Variants in PLCB4 observed in about 807,000 individuals in gnomAD.
PLCB4 encodes the protein phospholipase C beta 4.
Under a neutral mutation model 178.8 loss-of-function variants are expected in PLCB4, and 77 were observed. The observed-to-expected ratio is 0.43, with a 90% CI of 0.36 to 0.52. The LOEUF is 0.52. Ranked by LOEUF, PLCB4 falls within the 20% of genes least tolerant of loss-of-function variation. The probability of loss-of-function intolerance (pLI) is 0.00; values close to 1 mark genes in which losing one functional copy is unlikely to be tolerated. For synonymous variants in PLCB4, 496 were observed against 490.8 expected (o/e 1.01, Z -0.14); for missense variants, 1,024 against 1,453.4 (o/e 0.70, Z 4.80).
chr20:9,368,191 G>A (rs756530608), intron 9 of PLCB4, among the ~76,000 whole-genome samples: 91 of 152,312 alleles, frequency 6.0e-4, no homozygotes, highest in Middle Eastern at 3.4e-3. Context: ...GCTTGGGAAT[G>A]GTTCCTGCTC....
At chr20:9,447,362 C>A (rs1320505520) in intron 32 of PLCB4, among the ~76,000 whole-genome samples, 1 of 152,176 alleles carries the variant, frequency 6.6e-6, no homozygotes, top group Non-Finnish European at 1.5e-5. Context: ...AGATGGGGGA[C>A]TGGCTGATTT....
At chr20:9,233,936 G>C (rs559925160) in intron 3 of PLCB4, among the ~76,000 whole-genome samples, 4 of 152,248 alleles carry the variant, frequency 2.6e-5, no homozygotes, top group Admixed American at 2.6e-4. Flanking sequence ...AAAATGAATT[G>C]GGAGTGTACA....
At chr20:9,210,454 A>G (rs1568955045) in intron 2 of PLCB4, among the ~76,000 whole-genome samples, 3 of 152,206 alleles carry the variant, frequency 2.0e-5, no homozygotes, top group South Asian at 4.2e-4. Flanking sequence ...GGGATCACTC[A>G]CTTGGGTCGG....
At chr20:9,260,397 G>T (rs368326316) in intron 3 of PLCB4, among the ~76,000 whole-genome samples, 6 of 152,132 alleles carry the variant, frequency 3.9e-5, no homozygotes, top group African/African-American at 1.2e-4. Flanking sequence ...TTTGGCAGGG[G>T]TTGTTGAATA....
At chr20:9,462,315 G>A (rs2043454189) in intron 35 of PLCB4, among the ~76,000 whole-genome samples, 1 of 152,198 alleles carries the variant, frequency 6.6e-6, no homozygotes, top group Non-Finnish European at 1.5e-5. Context: ...GGAGAAACCA[G>A]AGCAGAAATG....
chr20:9,153,790 G>A (rs569171210), intron 2 of PLCB4, among the ~76,000 whole-genome samples: 24 of 152,238 alleles, frequency 1.6e-4, no homozygotes, highest in Middle Eastern at 6.8e-3. Flanking sequence ...TTTCTTCCTA[G>A]TATTTGGCTC....
intron 2 of PLCB4, among the ~76,000 whole-genome samples, chr20:9,191,979 T>A (rs1256926672): frequency 6.6e-6 from 1 of 152,118 alleles, no homozygotes; most frequent in African/African-American, 2.4e-5. Flanking sequence ...CCCTTCTGAC[T>A]TTTTAGCTGT....
chr20:9,151,459 G>C (rs1457392588), intron 2 of PLCB4, among the ~76,000 whole-genome samples: 2 of 152,018 alleles, frequency 1.3e-5, no homozygotes, highest in Non-Finnish European at 2.9e-5. Context: ...AAATCATGGG[G>C]GTTGGTCTTT....
In PLCB4 at chr20:9,457,454, A is replaced by G; in HGVS notation, c.3037A>G (p.Lys1013Glu). 1 of 1,572,884 alleles carries G rather than the reference A, an allele frequency of 6.4e-7. No individual in the cohort carries two copies. Among genetic ancestry groups the G allele is most frequent in the East Asian group, 2.2e-5 (1 of 44,662 alleles). Residue 1013 changes from lysine to glutamate, a missense_variant, in exon 34 of 40, where the codon AAA becomes GAA. Physicochemically the swap from Lys to Glu is moderately conservative, Grantham distance 56. This residue lies in a region of PLCB4 where 264 missense variants were observed against 283.2 expected (regional missense o/e 0.93). Coordinates refer to ENST00000378473, the MANE Select transcript of PLCB4 (RefSeq NM_001377142.1). ...CGAAATGAAAAAAGAAACAGAAATC[A>G]AAATTCAGACGCTGACATCAGATCA... Reference protein sequence around the residue: ...CLEMKKETEIKIQTLTSDHKS... With the variant: ...CLEMKKETEIEIQTLTSDHKS...
chr20:9,463,489 A>G (rs865802056), intron 35 of PLCB4, among the ~76,000 whole-genome samples: 1 of 151,930 alleles, frequency 6.6e-6, no homozygotes, highest in Non-Finnish European at 1.5e-5. Flanking sequence ...ATTAAGAGTC[A>G]AGACCCATCA....
At chr20:9,442,976 A>G (rs953331971) in intron 30 of PLCB4, among the ~76,000 whole-genome samples, 1 of 152,186 alleles carries the variant, frequency 6.6e-6, no homozygotes, top group African/African-American at 2.4e-5. Flanking sequence ...AATGGAAATC[A>G]ATTACAGCAC....
At chr20:9,315,273 A>T (rs1006493227) in intron 4 of PLCB4, among the ~76,000 whole-genome samples, 2 of 152,220 alleles carry the variant, frequency 1.3e-5, no homozygotes, top group African/African-American at 4.8e-5. Context: ...CTTAATGATG[A>T]TAAACAATCT....
chr20:9,469,408 C>T (rs754731411), intron 36 of PLCB4, among the ~76,000 whole-genome samples: 9 of 152,188 alleles, frequency 5.9e-5, no homozygotes, highest in Admixed American at 1.3e-4. Flanking sequence ...GTCAGGAGGG[C>T]GGTCTTCTTC....
intron 3 of PLCB4, among the ~76,000 whole-genome samples, chr20:9,222,041 A>ATTTTG (rs2093805499): frequency 8.2e-4 from 1 of 1,214 alleles, no homozygotes; most frequent in African/African-American, 3.5e-3. Flanking sequence ...ATTTTGTTTT[A>ATTTTG]TTTTATTTTA....
Position 9,158,691 on chromosome 20 carries a change from C to T in PLCB4, c.-78-58699C>T, listed in dbSNP as rs151236188. On this transcript the variant is annotated intron_variant, in intron 2 of 39. Transcript: ENST00000378473. ...TAGTAGATACCCAATAAAAACTAAA[C>T]AGTGAAAACCATTTAGTGTTATTCA... is the stretch of plus-strand genomic sequence containing the variant. Among the ~76,000 whole-genome samples the T allele has an allele frequency of 1.3e-3, 204 of 151,750 alleles. 1 individual carries two copies. The highest frequency in any genetic ancestry group is 2.5e-3 in the South Asian group (12 of 4,818).
intron 30 of PLCB4, among the ~76,000 whole-genome samples, chr20:9,442,333 G>A (rs551467618): frequency 6.6e-6 from 1 of 152,048 alleles, no homozygotes; most frequent in Admixed American, 6.5e-5. Context: ...TATGAGGAAG[G>A]CTGTTCTTGG....
At chr20:9,169,890 G>A (rs968048024) in intron 2 of PLCB4, among the ~76,000 whole-genome samples, 10 of 152,008 alleles carry the variant, frequency 6.6e-5, no homozygotes, top group African/African-American at 2.4e-4. Context: ...GTCTTTCACT[G>A]TCTTATTTTT....
At chr20:9,298,284 C>T (rs79943172) in intron 3 of PLCB4, among the ~76,000 whole-genome samples, 4,782 of 152,094 alleles carry the variant, frequency 0.031, 130 homozygotes, top group African/African-American at 0.064. Context: ...TAGAAATATA[C>T]GATTATCTCA....
chr20:9,228,604 A>G (rs76764897), intron 3 of PLCB4, among the ~76,000 whole-genome samples: 2 of 152,270 alleles, frequency 1.3e-5, no homozygotes, highest in East Asian at 3.9e-4. Context: ...TAAGAAGGAG[A>G]CACATGTATT....
Sources: allele counts gnomAD v4.1 joint callset (sites outside exome capture counted in the v4.1 genomes callset), GRCh38; gene constraint gnomAD v4.1.1; regional missense constraint gnomAD v4.1.1; transcripts MANE v1.5; gene names NCBI Gene and HGNC (gene_info 2026-07-23, HGNC 2026-07-21).